SLC12A8: variants seen among roughly 807,000 people sequenced by gnomAD.
SLC12A8 encodes solute carrier family 12 member 8.
In SLC12A8, 69 loss-of-function variants were observed where a neutral mutation model predicts 75.6. The ratio of observed to expected loss-of-function variants is 0.91; its 90% CI spans 0.75 to 1.11. The LOEUF (loss-of-function observed/expected upper bound fraction) is 1.11. Among genes scored for constraint, SLC12A8 ranks in the 50% most tolerant of loss-of-function variants. The pLI, the probability that SLC12A8 is intolerant of heterozygous loss-of-function variation, is 0.00. For synonymous variants in SLC12A8, 365 were observed against 372.8 expected (o/e 0.98, Z 0.24); for missense variants, 877 against 896.7 (o/e 0.98, Z 0.28).
chr3:125,126,647 T>C (rs935497938), intron 6 of SLC12A8, among the ~76,000 whole-genome samples: 1 of 152,212 alleles, frequency 6.6e-6, no homozygotes, highest in African/African-American at 2.4e-5. Flanking sequence ...CAACAGTTTT[T>C]CTAGGCTTTT....
At chr3:125,146,941 C>A (rs912210648) in intron 5 of SLC12A8, among the ~76,000 whole-genome samples, 16 of 152,180 alleles carry the variant, frequency 1.1e-4, no homozygotes, top group Non-Finnish European at 2.4e-4. Context: ...CCACCAGTCA[C>A]CAATGTAGGC....
At chr3:125,174,084 C>A (rs574709181) in intron 5 of SLC12A8, among the ~76,000 whole-genome samples, 9 of 152,100 alleles carry the variant, frequency 5.9e-5, no homozygotes, top group South Asian at 4.2e-4. Context: ...AGAACAAGAC[C>A]CTGTCTCAAA....
At chr3:125,144,062 T>C (rs1051967107) in intron 5 of SLC12A8, among the ~76,000 whole-genome samples, 4 of 152,172 alleles carry the variant, frequency 2.6e-5, no homozygotes, top group African/African-American at 9.7e-5. Flanking sequence ...TAAGCTGAGA[T>C]GAGATTTTTG....
intron 5 of SLC12A8, among the ~76,000 whole-genome samples, chr3:125,167,878 C>T (rs924513405): frequency 1.9e-4 from 29 of 152,338 alleles, no homozygotes; most frequent in African/African-American, 6.3e-4. Context: ...ATTGGAGATA[C>T]AACCAAATGG....
chr3:125,201,621 A>T (rs1935121941), intron 2 of SLC12A8, among the ~76,000 whole-genome samples: 1 of 151,238 alleles, frequency 6.6e-6, no homozygotes, highest in Admixed American at 6.6e-5. Context: ...AAATATTTTT[A>T]AAATAACCAG....
At chr3:125,111,509 T>C (rs2107744953) in intron 8 of SLC12A8, among the ~76,000 whole-genome samples, 1 of 152,348 alleles carries the variant, frequency 6.6e-6, no homozygotes, top group Middle Eastern at 3.4e-3. Context: ...GCCCTTTCCA[T>C]TCTACTTTCC....
intron 8 of SLC12A8, among the ~76,000 whole-genome samples, chr3:125,113,439 CTCTT>C (rs1939233826): frequency 1.3e-5 from 2 of 152,210 alleles, no homozygotes. Flanking sequence ...TAAATCCTAT[CTCTT>C]TCTGTCATTT....
chr3:125,165,755 T>A (rs1934271858), intron 5 of SLC12A8, among the ~76,000 whole-genome samples: 1 of 152,130 alleles, frequency 6.6e-6, no homozygotes, highest in African/African-American at 2.4e-5. Context: ...TGAATACCTA[T>A]AATAGGCCAG....
At chr3:125,211,433 C>G (rs751798014) in intron 1 of SLC12A8, 39 bp from the exon 2 acceptor site, 28 of 1,038,576 alleles carry the variant, frequency 2.7e-5, no homozygotes, top group Admixed American at 8.4e-5. Context: ...CTGGCTTCTC[C>G]TCTCCTCTCC....
chr3:125,212,101 G>A (rs1054138798), intron 1 of SLC12A8, among the ~76,000 whole-genome samples: 2 of 152,120 alleles, frequency 1.3e-5, no homozygotes, highest in South Asian at 2.1e-4. Context: ...AGGAGGAAGG[G>A]GGAGGAAGAG....
chr3:125,142,784 C>T (rs1345894784), intron 5 of SLC12A8, among the ~76,000 whole-genome samples: 3 of 152,208 alleles, frequency 2.0e-5, no homozygotes, highest in Admixed American at 1.3e-4. Context: ...TTTTCAGAAC[C>T]CTTCTAATTC....
intron 5 of SLC12A8, among the ~76,000 whole-genome samples, chr3:125,164,364 T>C (rs1032694362): frequency 4.6e-5 from 7 of 152,168 alleles, no homozygotes; most frequent in Admixed American, 6.5e-5. Flanking sequence ...GGAATAACCA[T>C]CTCACCCATC....
At chr3:125,095,131 C>CTGATATATTGAT (rs1370924486) in intron 10 of SLC12A8, among the ~76,000 whole-genome samples, 1 of 152,220 alleles carries the variant, frequency 6.6e-6, no homozygotes, top group East Asian at 1.9e-4. Context: ...TTAAATGCTA[C>CTGATATATTGAT]TGATATATTG....
rs372647311 is a variant in SLC12A8, at chr3:125,177,955, T to A, written c.410A>T (p.Tyr137Phe). The A allele has an allele frequency of 4.3e-6, 7 of 1,613,232 alleles. No individual in the cohort carries two copies. Among genetic ancestry groups the A allele is most frequent in the Admixed American group, 1.7e-5 (1 of 59,892 alleles). Residue 137 changes from tyrosine to phenylalanine, a missense_variant, in exon 5 of 14, where the codon TAT becomes TTT. Transcript: ENST00000469902. ...GATGGATTCAGCAAAGCCGGTGATATACATGGCACCTGCAACACACTGACA... is the reference window on the plus strand; with the variant it reads ...GATGGATTCAGCAAAGCCGGTGATAAACATGGCACCTGCAACACACTGACA... ...VFGQCVAGAM[Y>F]ITGFAESISD...
At chr3:125,168,027 C>A (rs1475542649) in intron 5 of SLC12A8, among the ~76,000 whole-genome samples, 1 of 152,102 alleles carries the variant, frequency 6.6e-6, no homozygotes, top group Non-Finnish European at 1.5e-5. Context: ...GAAAAGTGAT[C>A]TGGCTTCAGT....
At chr3:125,167,192 C>G (rs1934308413) in intron 5 of SLC12A8, among the ~76,000 whole-genome samples, 1 of 151,930 alleles carries the variant, frequency 6.6e-6, no homozygotes, top group Non-Finnish European at 1.5e-5. Flanking sequence ...CTCTGTCACC[C>G]AGGCTGCAGT....
intron 2 of SLC12A8, among the ~76,000 whole-genome samples, chr3:125,190,797 C>T (rs111834267): frequency 0.042 from 6,391 of 152,320 alleles, 231 homozygotes; most frequent in African/African-American, 0.089. Context: ...TATTCACAAA[C>T]GTAGTCCTTT....
intron 5 of SLC12A8, among the ~76,000 whole-genome samples, chr3:125,143,484 T>C (rs1933697549): frequency 6.6e-6 from 1 of 152,182 alleles, no homozygotes; most frequent in Admixed American, 6.5e-5. Flanking sequence ...CCTATTGACT[T>C]TGGTCCTGCA....
intron 2 of SLC12A8, among the ~76,000 whole-genome samples, chr3:125,203,695 A>G (rs1935174049): frequency 6.6e-6 from 1 of 152,248 alleles, no homozygotes; most frequent in Non-Finnish European, 1.5e-5. Context: ...TTTTATGGCT[A>G]AGATTTCAAA....
Sources: allele counts gnomAD v4.1 joint callset (sites outside exome capture counted in the v4.1 genomes callset), GRCh38; gene constraint gnomAD v4.1.1; transcripts MANE v1.5; gene names NCBI Gene and HGNC (gene_info 2026-07-23, HGNC 2026-07-21).